The following NTN1 variants were observed in gnomAD, a reference collection of about 807,000 sequenced individuals.
The protein encoded by NTN1 is netrin-1.
Under a neutral mutation model 54.2 loss-of-function variants are expected in NTN1, and 11 were observed. The ratio of observed to expected loss-of-function variants is 0.20; its 90% CI spans 0.13 to 0.34. The LOEUF (loss-of-function observed/expected upper bound fraction) is 0.34, where lower values mean the gene tolerates loss of function less well. Among genes scored for constraint, NTN1 ranks in the 10% least tolerant of loss-of-function variants. The probability of loss-of-function intolerance (pLI) is 1.00; values close to 1 mark genes in which losing one functional copy is unlikely to be tolerated. For missense variants in NTN1, 740 were observed against 893.1 expected (o/e 0.83, Z 2.18); for synonymous variants, 371 against 382.0 (o/e 0.97, Z 0.33).
At chr17:9,126,477 TC>T (rs36109397) in intron 2 of NTN1, among the ~76,000 whole-genome samples, 152,288 of 152,288 alleles carry the variant, frequency 1, 76,144 homozygotes, top group Non-Finnish European at 1. Context: ...GCCATTGCAC[TC>T]CCAGCCTGGG....
chr17:9,203,473 G>A (rs1904869960), intron 5 of NTN1, among the ~76,000 whole-genome samples: 1 of 152,104 alleles, frequency 6.6e-6, no homozygotes, highest in African/African-American at 2.4e-5. Context: ...AAGTAGGGAG[G>A]AAATGGCTGG....
intron 2 of NTN1, among the ~76,000 whole-genome samples, chr17:9,105,380 G>A (rs1597489136): frequency 6.6e-6 from 1 of 152,204 alleles, no homozygotes; most frequent in South Asian, 2.1e-4. Flanking sequence ...CCTGGTGTGT[G>A]TGTGTGAATG....
At chr17:9,201,959 G>A (rs9912227) in intron 5 of NTN1, among the ~76,000 whole-genome samples, 16,325 of 143,226 alleles carry the variant, frequency 0.11, 1,336 homozygotes, top group African/African-American at 0.24. Flanking sequence ...AGGCCAAGGC[G>A]GGCGAATCAC....
chr17:9,049,234 A>G (rs2091951507), intron 2 of NTN1, among the ~76,000 whole-genome samples: 1 of 152,252 alleles, frequency 6.6e-6, no homozygotes, highest in South Asian at 2.1e-4. Flanking sequence ...TGCTAAAGTT[A>G]GGGGGTAAAA....
chr17:9,062,368 G>A (rs2092001580), intron 2 of NTN1, among the ~76,000 whole-genome samples: 1 of 152,186 alleles, frequency 6.6e-6, no homozygotes, highest in Admixed American at 6.5e-5. Context: ...GACACACGGA[G>A]CAGCATGCTT....
intron 2 of NTN1, among the ~76,000 whole-genome samples, chr17:9,041,310 C>T (rs532506055): frequency 6.6e-6 from 1 of 152,164 alleles, no homozygotes; most frequent in African/African-American, 2.4e-5. Context: ...TTTTGTCATC[C>T]CCAAAAGGAG....
chr17:9,074,218 C>A (rs955382844), intron 2 of NTN1, among the ~76,000 whole-genome samples: 1 of 152,214 alleles, frequency 6.6e-6, no homozygotes, highest in Non-Finnish European at 1.5e-5. Flanking sequence ...TGGCTTCCTG[C>A]AAGACGGCGT....
chr17:9,138,172 C>A (rs1204176135), intron 2 of NTN1, among the ~76,000 whole-genome samples: 1 of 152,202 alleles, frequency 6.6e-6, no homozygotes, highest in African/African-American at 2.4e-5. Context: ...AACTTGAAAA[C>A]CCCCTGGGCG....
At chr17:9,181,241 C>T (rs990235732) in intron 4 of NTN1, among the ~76,000 whole-genome samples, 1 of 152,154 alleles carries the variant, frequency 6.6e-6, no homozygotes. Flanking sequence ...GGAATTTTCG[C>T]TTGCTCTTCC....
intron 2 of NTN1, among the ~76,000 whole-genome samples, chr17:9,106,176 GT>G (rs2092165314): frequency 6.6e-6 from 1 of 152,198 alleles, no homozygotes. Flanking sequence ...CACACAGGTG[GT>G]TAATTGCAGA....
chr17:9,159,180 C>G (rs1186703608), intron 2 of NTN1, among the ~76,000 whole-genome samples: 1 of 152,194 alleles, frequency 6.6e-6, no homozygotes. Context: ...GATCACTAGA[C>G]AGCATGAAAA....
At position 9,043,110 on chromosome 17, in the gene NTN1, T is replaced by A. The variant is rs79514195; in HGVS notation, c.1018+19719T>A. 4.8e-3 allele frequency among the ~76,000 whole-genome samples: 734 copies of A among 152,300 alleles called. 6 individuals carry two copies. Among genetic ancestry groups the A allele is most frequent in the African/African-American group, 0.017 (696 of 41,570 alleles). On this transcript the variant is annotated intron_variant, in intron 2 of 6. Coordinates refer to ENST00000173229, the MANE Select transcript of NTN1 (RefSeq NM_004822.3). ...TTTTTTAAAAATCATTTACCCAGAT[T>A]TTCATTTTTCAAGCATAGGATTCTA...
chr17:9,120,671 A>G (rs1037134370), intron 2 of NTN1, among the ~76,000 whole-genome samples: 3 of 152,284 alleles, frequency 2.0e-5, no homozygotes, highest in Admixed American at 6.5e-5. Flanking sequence ...AAGCGCCCCC[A>G]AGAGGCTGCT....
intron 2 of NTN1, among the ~76,000 whole-genome samples, chr17:9,128,500 T>C (rs903639314): frequency 2.0e-4 from 30 of 152,196 alleles, no homozygotes; most frequent in Non-Finnish European, 4.4e-4. Context: ...GCTTGGCCCA[T>C]GCACTTCTCC....
chr17:9,218,495 G>T (rs1288294949), intron 5 of NTN1, among the ~76,000 whole-genome samples: 1 of 152,220 alleles, frequency 6.6e-6, no homozygotes, highest in African/African-American at 2.4e-5. Flanking sequence ...AGGCAGTGAT[G>T]GATGCCACAC....
At chr17:9,157,682 C>A (rs1455542266) in intron 2 of NTN1, among the ~76,000 whole-genome samples, 1 of 152,198 alleles carries the variant, frequency 6.6e-6, no homozygotes, top group African/African-American at 2.4e-5. Flanking sequence ...GGGCACAAAG[C>A]TTGGGGTGTC....
chr17:9,158,188 A>T (rs1254099844), intron 2 of NTN1, among the ~76,000 whole-genome samples: 1 of 152,058 alleles, frequency 6.6e-6, no homozygotes, highest in Non-Finnish European at 1.5e-5. Flanking sequence ...CTGCCTTTTG[A>T]TGTTTGCCTC....
chr17:9,029,722 G>C (rs920096651), intron 2 of NTN1, among the ~76,000 whole-genome samples: 3 of 152,204 alleles, frequency 2.0e-5, no homozygotes, highest in Non-Finnish European at 4.4e-5. Context: ...GGCCGGGCGC[G>C]GTGGCTCACG....
intron 2 of NTN1, among the ~76,000 whole-genome samples, chr17:9,067,881 C>T (rs1489781655): frequency 2.6e-5 from 4 of 152,170 alleles, no homozygotes; most frequent in African/African-American, 7.2e-5. Flanking sequence ...GCCTCTGGTG[C>T]AAACTCACAC....
Sources: gnomAD v4.1 joint callset for allele counts (sites outside exome capture counted in the v4.1 genomes callset) on GRCh38, gnomAD v4.1.1 for gene constraint, MANE v1.5 for transcripts, NCBI Gene and HGNC (gene_info 2026-07-23, HGNC 2026-07-21) for gene names.